The following ACTR3C variants were observed in gnomAD, a reference collection of about 807,000 sequenced individuals.
ACTR3C encodes the protein actin related protein 3C, also known as actin-related protein 3C.
A neutral mutation model predicts 26.3 loss-of-function variants in ACTR3C; 18 were observed. The ratio of observed to expected loss-of-function variants is 0.68; its 90% CI spans 0.47 to 1.01. The LOEUF (loss-of-function observed/expected upper bound fraction) is 1.01. ACTR3C is among the 50% of genes least tolerant of loss of function. The probability of loss-of-function intolerance (pLI) is 0.00; values close to 1 mark genes in which losing one functional copy is unlikely to be tolerated. For synonymous variants in ACTR3C, 55 were observed against 94.5 expected (o/e 0.58, Z 2.42); for missense variants, 184 against 250.7 (o/e 0.73, Z 1.80).
Position 150,262,352 on chromosome 7 carries a change from T to C in ACTR3C, c.565-13298A>G, listed in dbSNP as rs377378722. On this transcript the variant is annotated intron_variant, in intron 6 of 7. Coordinates refer to ENST00000683684, the MANE Select transcript of ACTR3C (RefSeq NM_001164458.2). Reference sequence around the variant, plus strand: ...AGTTGCTGCCTTGTCAACTTAGACATAGCTGGTGGAACTCAGTAATGGATG... The same window carrying C: ...AGTTGCTGCCTTGTCAACTTAGACACAGCTGGTGGAACTCAGTAATGGATG... 2.0e-4 allele frequency among the ~76,000 whole-genome samples: 31 copies of C among 152,394 alleles called. No individual in the cohort carries two copies. In the East Asian group the frequency reaches 4.4e-3, roughly 22 times the overall value.
chr7:150,035,465 C>T, the ACTR3C span, among the ~76,000 whole-genome samples: 5 of 98,622 alleles, frequency 5.1e-5, no homozygotes, highest in South Asian at 3.1e-4. Flanking sequence ...TCCCCCGTTG[C>T]GATGGGGGTA....
At chr7:150,186,258 A>G in the ACTR3C span, among the ~76,000 whole-genome samples, 1 of 152,220 alleles carries the variant, frequency 6.6e-6, no homozygotes, top group Non-Finnish European at 1.5e-5. Flanking sequence ...TCCCTGACAA[A>G]TGTTTCAAGA....
the ACTR3C span, among the ~76,000 whole-genome samples, chr7:150,183,696 CAA>C: frequency 3.7e-3 from 179 of 48,008 alleles, no homozygotes; most frequent in African/African-American, 8.7e-3. Flanking sequence ...GTGGCTATGG[CAA>C]AAAAAAAAAA....
At chr7:150,290,337 GA>G (rs1836140661) in intron 3 of ACTR3C, among the ~76,000 whole-genome samples, 1 of 152,210 alleles carries the variant, frequency 6.6e-6, no homozygotes, top group Non-Finnish European at 1.5e-5. Context: ...CCACAGCAAT[GA>G]TGGGCCCAAA....
At chr7:150,099,333 A>G in the ACTR3C span, among the ~76,000 whole-genome samples, 2 of 152,044 alleles carry the variant, frequency 1.3e-5, no homozygotes, top group South Asian at 2.1e-4. Flanking sequence ...TTACGTACAT[A>G]AGTACATACA....
downstream of ACTR3C, among the ~76,000 whole-genome samples, chr7:150,243,337 A>G (rs1832288780): frequency 6.6e-6 from 1 of 152,086 alleles, no homozygotes; most frequent in Non-Finnish European, 1.5e-5. Flanking sequence ...AATATTTTAA[A>G]AGGCATTTAA....
the ACTR3C span, among the ~76,000 whole-genome samples, chr7:150,166,220 T>C: frequency 6.6e-6 from 1 of 150,944 alleles, no homozygotes; most frequent in African/African-American, 2.5e-5. Flanking sequence ...TAGAAAATAA[T>C]TTTAAAAATT....
the ACTR3C span, among the ~76,000 whole-genome samples, chr7:150,198,368 C>T: frequency 2.7e-5 from 4 of 148,330 alleles, no homozygotes; most frequent in East Asian, 4.0e-4. Context: ...GGAGCGTCTG[C>T]GCCCGGCCGC....
At chr7:150,038,075 G>C in the ACTR3C span, among the ~76,000 whole-genome samples, 1 of 141,372 alleles carries the variant, frequency 7.1e-6, no homozygotes, top group South Asian at 2.2e-4. Flanking sequence ...TCCCCACCTC[G>C]CGGGGGGTGC....
At chr7:150,170,429 C>T in the ACTR3C span, among the ~76,000 whole-genome samples, 56 of 120,282 alleles carry the variant, frequency 4.7e-4, 4 homozygotes, top group African/African-American at 1.6e-3. Flanking sequence ...ATTTTACCCT[C>T]CTGGAATCCA....
chr7:150,228,488 T>A, the ACTR3C span, among the ~76,000 whole-genome samples: 1 of 152,202 alleles, frequency 6.6e-6, no homozygotes, highest in Non-Finnish European at 1.5e-5. Context: ...TTTGGGGTTA[T>A]CTGGGTGTAC....
chr7:150,118,433 A>G, the ACTR3C span, among the ~76,000 whole-genome samples: 1 of 151,482 alleles, frequency 6.6e-6, no homozygotes, highest in Non-Finnish European at 1.5e-5. Context: ...AACTTTGTGA[A>G]GCATATACAA....
the ACTR3C span, among the ~76,000 whole-genome samples, chr7:150,191,897 C>T: frequency 6.6e-6 from 1 of 152,246 alleles, no homozygotes; most frequent in Non-Finnish European, 1.5e-5. Context: ...AAATAAGTTC[C>T]ACTCTATTCC....
the ACTR3C span, among the ~76,000 whole-genome samples, chr7:149,932,541 A>G: frequency 1.3e-5 from 2 of 152,218 alleles, no homozygotes; most frequent in African/African-American, 4.8e-5. Context: ...GGACCACATC[A>G]AGTCAAACAC....
intron 1 of ACTR3C, among the ~76,000 whole-genome samples, chr7:150,300,230 A>G (rs1408171890): frequency 1.3e-5 from 2 of 152,044 alleles, no homozygotes; most frequent in East Asian, 3.9e-4. Flanking sequence ...ACATACCTGT[A>G]GTCCTAGCTA....
chr7:150,256,621 A>C (rs942846261), intron 6 of ACTR3C, among the ~76,000 whole-genome samples: 5 of 152,224 alleles, frequency 3.3e-5, no homozygotes, highest in African/African-American at 4.8e-5. Context: ...GTAGGGTGGG[A>C]GTAGGATGAA....
chr7:150,268,083 GGCATCGGGGA>G (rs1393565304), intron 6 of ACTR3C, among the ~76,000 whole-genome samples: 1 of 152,034 alleles, frequency 6.6e-6, no homozygotes, highest in African/African-American at 2.4e-5. Flanking sequence ...CTGAAAAGGT[GGCATCGGGGA>G]CTTAAATGAG....
the ACTR3C span, among the ~76,000 whole-genome samples, chr7:150,010,311 C>G: frequency 1.3e-5 from 2 of 152,220 alleles, no homozygotes; most frequent in Non-Finnish European, 2.9e-5. Flanking sequence ...GCAGCCACAT[C>G]CCACTCACTG....
the ACTR3C span, among the ~76,000 whole-genome samples, chr7:150,057,491 G>T: frequency 1.4e-4 from 22 of 152,080 alleles, no homozygotes; most frequent in Non-Finnish European, 2.4e-4. Context: ...TCACCATGTT[G>T]GTCAGGTTGG....
Sources: gnomAD v4.1 joint callset for allele counts (sites outside exome capture counted in the v4.1 genomes callset) on GRCh38, gnomAD v4.1.1 for gene constraint, MANE v1.5 for transcripts, NCBI Gene and HGNC (gene_info 2026-07-23, HGNC 2026-07-21) for gene names.